The following STON2 variants were observed in gnomAD, a reference collection of about 807,000 sequenced individuals.
The protein encoded by STON2 is stonin 2.
A neutral mutation model predicts 65.7 loss-of-function variants in STON2; 29 were observed. The ratio of observed to expected loss-of-function variants is 0.44; its 90% CI spans 0.33 to 0.60. STON2 has a LOEUF of 0.60. STON2 is among the 20% of genes least tolerant of loss of function. STON2 has a pLI of 0.03. For missense variants in STON2, 1,054 were observed against 1,118.1 expected (o/e 0.94, Z 0.82); for synonymous variants, 404 against 414.2 (o/e 0.98, Z 0.30).
At chr14:81,288,979 G>C (rs531058649) in intron 5 of STON2, among the ~76,000 whole-genome samples, 1 of 150,412 alleles carries the variant, frequency 6.6e-6, no homozygotes, top group African/African-American at 2.5e-5. Context: ...ACCAGGACAG[G>C]TGACTCATTA....
intron 6 of STON2, among the ~76,000 whole-genome samples, chr14:81,271,588 G>A (rs971421020): frequency 6.6e-6 from 1 of 152,138 alleles, no homozygotes; most frequent in Non-Finnish European, 1.5e-5. Context: ...AGTACAACAG[G>A]GTGGGCTGGG....
rs1365224606 is a variant in STON2 at position 81,263,743 on chromosome 14, G to C, written c.*4671C>G. ...ACATATAATCCTCATTTTTAGAAGA[G>C]TTAAAGTTACCACTCGAACTGGGAG... On this transcript the variant is annotated 3_prime_UTR_variant, in exon 8 of 8. Coordinates refer to ENST00000614646, the MANE Select transcript of STON2 (RefSeq NM_001394390.1). 2 of 985,314 alleles carry C rather than the reference G, an allele frequency of 2.0e-6. No homozygotes were observed. The highest frequency in any genetic ancestry group is 2.4e-6 in the Non-Finnish European group (2 of 829,904). The allele number at this position is 985,314 out of a possible 1,614,324, so 61.0% of individuals were successfully genotyped here.
intron 2 of STON2, among the ~76,000 whole-genome samples, chr14:81,406,591 T>G (rs1020314565): frequency 1.3e-5 from 2 of 152,110 alleles, no homozygotes; most frequent in African/African-American, 4.8e-5. Context: ...AGAAAAAAAT[T>G]TACAGACCCT....
intron 2 of STON2, among the ~76,000 whole-genome samples, chr14:81,415,442 A>C (rs1009848619): frequency 2.6e-5 from 4 of 151,996 alleles, no homozygotes; most frequent in African/African-American, 9.7e-5. Context: ...CAATCAACCA[A>C]GACAAATTAA....
At chr14:81,363,447 G>A (rs1372992432) in intron 4 of STON2, among the ~76,000 whole-genome samples, 1 of 151,896 alleles carries the variant, frequency 6.6e-6, no homozygotes, top group Non-Finnish European at 1.5e-5. Flanking sequence ...CTCAATATAT[G>A]TGTTTCTGAG....
intron 5 of STON2, among the ~76,000 whole-genome samples, chr14:81,297,156 G>A (rs1026234591): frequency 2.0e-5 from 3 of 152,110 alleles, no homozygotes; most frequent in Non-Finnish European, 4.4e-5. Flanking sequence ...ATCTACCACC[G>A]CTGCCTCCAA....
At chr14:81,423,467 T>G (rs1018712170) in intron 2 of STON2, among the ~76,000 whole-genome samples, 1 of 152,206 alleles carries the variant, frequency 6.6e-6, no homozygotes, top group Non-Finnish European at 1.5e-5. Flanking sequence ...TGGCTCAAGT[T>G]GCTTTCGGGC....
At chr14:81,383,282 G>A (rs552871049) in intron 3 of STON2, among the ~76,000 whole-genome samples, 9 of 152,300 alleles carry the variant, frequency 5.9e-5, no homozygotes, top group Admixed American at 5.2e-4. Flanking sequence ...TTTCTCACCT[G>A]TAAAATGGAG....
chr14:81,400,576 T>A (rs980825509), upstream of STON2, among the ~76,000 whole-genome samples: 5 of 150,970 alleles, frequency 3.3e-5, no homozygotes, highest in African/African-American at 4.9e-5. Context: ...CCTGCAATGA[T>A]GAACCCAGCA....
At chr14:81,311,644 G>C (rs1336556222) in intron 5 of STON2, among the ~76,000 whole-genome samples, 1 of 152,198 alleles carries the variant, frequency 6.6e-6, no homozygotes, top group Non-Finnish European at 1.5e-5. Flanking sequence ...CAGTTAGGAA[G>C]TGGCAGAGCT....
chr14:81,264,140 G>A lies in STON2; in HGVS notation c.*4274C>T, dbSNP rs1260093566. ...TGCAGGAACAAAGCAATCAATCACC[G>A]TGACTATGGACAGCATCTATGCTAC... On this transcript the variant is annotated 3_prime_UTR_variant, in exon 8 of 8. Coordinates refer to ENST00000614646, the MANE Select transcript of STON2 (RefSeq NM_001394390.1). The A allele has an allele frequency of 3.0e-6, 3 of 985,344 alleles. No homozygotes were observed. The highest frequency in any genetic ancestry group is 1.0e-3 in the Middle Eastern group (2 of 1,914). The allele number at this position is 985,344 out of a possible 1,614,324, so 61.0% of individuals were successfully genotyped here.
chr14:81,261,064 T>A lies in STON2; in HGVS notation c.*7350A>T, dbSNP rs1894121720. 1 of 152,174 alleles carries A rather than the reference T, an allele frequency of 6.6e-6. No individual in the cohort carries two copies. The highest frequency in any genetic ancestry group is 1.5e-5 in the Non-Finnish European group (1 of 68,034). The allele number at this position is 152,174 out of a possible 1,614,324, so 9.4% of individuals were successfully genotyped here. ...CGGTAGTTTTCTCCAGGTTCTCTTG[T>A]TAAGTAGACATAAAAGTTAAATGAA... On this transcript the variant is annotated 3_prime_UTR_variant, in exon 8 of 8. Coordinates refer to ENST00000614646, the MANE Select transcript of STON2 (RefSeq NM_001394390.1).
intron 5 of STON2, among the ~76,000 whole-genome samples, 160 bp downstream of exon 5, chr14:81,323,857 T>C (rs1398365931): frequency 3.3e-5 from 5 of 152,050 alleles, no homozygotes; most frequent in Non-Finnish European, 7.4e-5. Flanking sequence ...TAAACCCTCC[T>C]GCGAAAAGAC....
chr14:81,422,067 A>C (rs949526446), intron 2 of STON2, among the ~76,000 whole-genome samples: 1 of 152,212 alleles, frequency 6.6e-6, no homozygotes, highest in African/African-American at 2.4e-5. Flanking sequence ...ATTATCTTAG[A>C]ACTCAGCAGA....
At chr14:81,353,111 A>G (rs1054042790) in intron 4 of STON2, among the ~76,000 whole-genome samples, 6 of 152,226 alleles carry the variant, frequency 3.9e-5, no homozygotes, top group Non-Finnish European at 7.3e-5. Context: ...CATCTACATG[A>G]ATTAATTCAA....
chr14:81,264,038 G>A lies in STON2; in HGVS notation c.*4376C>T, dbSNP rs1894264136. ...AAGACCTACTGCATGAAGACTGGTT[G>A]TGCACTCTATCAAATGCTTTCTTTT... On this transcript the variant is annotated 3_prime_UTR_variant, in exon 8 of 8. Coordinates refer to ENST00000614646, the MANE Select transcript of STON2 (RefSeq NM_001394390.1). 7 of 985,310 alleles carry A rather than the reference G, an allele frequency of 7.1e-6. No homozygotes were observed. The South Asian group carries it at 3.3e-4, about 46-fold the overall frequency. 61.0% of individuals were successfully genotyped at this position (985,310 alleles called of 1,614,324 possible). A position where few individuals can be genotyped will look rare whatever the true frequency, so the allele number is the denominator to read the frequency against.
chr14:81,335,876 G>C (rs886958934), intron 4 of STON2, among the ~76,000 whole-genome samples: 3 of 152,116 alleles, frequency 2.0e-5, no homozygotes, highest in Non-Finnish European at 4.4e-5. Flanking sequence ...ATGGGAGAGA[G>C]AGACAGACAG....
intron 1 of STON2, among the ~76,000 whole-genome samples, chr14:81,431,278 T>C (rs1902214246): frequency 4.6e-5 from 7 of 152,214 alleles, no homozygotes; most frequent in Admixed American, 2.6e-4. Context: ...AAGGATCTTT[T>C]CAAATCTCAC....
intron 5 of STON2, among the ~76,000 whole-genome samples, chr14:81,308,377 T>A (rs1057152588): frequency 1.4e-4 from 22 of 152,262 alleles, no homozygotes; most frequent in African/African-American, 5.1e-4. Flanking sequence ...CTAATTTTTG[T>A]ATTTTTAGTA....
Sources: gnomAD v4.1 joint callset for allele counts (sites outside exome capture counted in the v4.1 genomes callset) on GRCh38, gnomAD v4.1.1 for gene constraint, MANE v1.5 for transcripts, NCBI Gene and HGNC (gene_info 2026-07-23, HGNC 2026-07-21) for gene names.